The following PARD3 variants were observed in gnomAD, a reference collection of about 807,000 sequenced individuals.
PARD3 encodes partitioning defective 3 homolog.
A neutral mutation model predicts 155.4 loss-of-function variants in PARD3; 75 were observed. The observed-to-expected ratio is 0.48, with a 90% CI of 0.40 to 0.58. PARD3 has a LOEUF of 0.58. Among genes scored for constraint, PARD3 ranks in the 20% least tolerant of loss-of-function variants. The probability of loss-of-function intolerance (pLI) is 0.00; values close to 1 mark genes in which losing one functional copy is unlikely to be tolerated. For synonymous variants in PARD3, 576 were observed against 610.5 expected, an observed-to-expected ratio of 0.94 and a Z score of 0.83; for missense variants, 1,642 against 1,721.7, an observed-to-expected ratio of 0.95 and a Z score of 0.82.
chr10:34,793,691 CAGG>C (rs897198893), intron 1 of PARD3, among the ~76,000 whole-genome samples: 2 of 151,618 alleles, frequency 1.3e-5, no homozygotes, highest in African/African-American at 4.8e-5. Context: ...GAGTCTGAGG[CAGG>C]AGAATTGCTT....
intron 22 of PARD3, among the ~76,000 whole-genome samples, chr10:34,137,149 C>T (rs1449337652): frequency 1.3e-5 from 2 of 152,130 alleles, no homozygotes; most frequent in Admixed American, 1.3e-4. Context: ...GCAGGATGTG[C>T]AGGTTTGTTA....
chr10:34,205,634 G>C (rs1303860931), intron 22 of PARD3, among the ~76,000 whole-genome samples: 1 of 152,122 alleles, frequency 6.6e-6, no homozygotes, highest in Non-Finnish European at 1.5e-5. Context: ...CAGGGAGAGG[G>C]TGAAGCGATG....
chr10:34,287,476 A>C (rs1444513011), intron 20 of PARD3, among the ~76,000 whole-genome samples: 1 of 152,212 alleles, frequency 6.6e-6, no homozygotes, highest in Non-Finnish European at 1.5e-5. Flanking sequence ...CTCTATCTGT[A>C]CCAAAAGGTA....
chr10:34,138,774 C>A (rs910552408), intron 22 of PARD3, among the ~76,000 whole-genome samples: 1 of 152,076 alleles, frequency 6.6e-6, no homozygotes, highest in African/African-American at 2.4e-5. Flanking sequence ...CTTCTCAGCC[C>A]TAGCAATTTA....
intron 22 of PARD3, among the ~76,000 whole-genome samples, chr10:34,167,940 CAA>C (rs1360566159): frequency 6.6e-6 from 1 of 151,468 alleles, no homozygotes; most frequent in South Asian, 2.1e-4. Flanking sequence ...CTACCATGAA[CAA>C]AAAAAAGGGT....
At chr10:34,152,957 T>G (rs1434650485) in intron 22 of PARD3, among the ~76,000 whole-genome samples, 1 of 152,214 alleles carries the variant, frequency 6.6e-6, no homozygotes, top group African/African-American at 2.4e-5. Context: ...CCCAGAGAGA[T>G]CCAGTGACAT....
Position 34,382,667 on chromosome 10 carries a change from G to C in PARD3, c.1272C>G (p.Ser424Arg). 1.2e-6 allele frequency: 2 copies of C among 1,614,140 alleles called. No individual in the cohort carries two copies. The highest frequency in any genetic ancestry group is 1.7e-6 in the Non-Finnish European group (2 of 1,180,026). The change falls in exon 9 of 25, where the codon AGC (serine) becomes AGG (arginine). Residue 424 changes from serine (S) to arginine (R), a missense_variant. Transcript: ENST00000374788. The stretch of plus-strand genomic sequence containing the variant: ...ATGGTGGTTTTCCCGAGGGGTGTGC[G>C]CTATGAGGTAGTCTTGAGTGAGAGT... Reference protein sequence around the residue: ...QIDSHSRLPHSAHPSGKPPSA... With the variant: ...QIDSHSRLPHRAHPSGKPPSA...
intron 22 of PARD3, among the ~76,000 whole-genome samples, chr10:34,189,651 AC>A (rs1231461044): frequency 6.6e-6 from 1 of 152,202 alleles, no homozygotes; most frequent in African/African-American, 2.4e-5. Flanking sequence ...TGTTTCCATG[AC>A]CTACTGAAGT....
chr10:34,412,069 C>T (rs1845138090), intron 5 of PARD3, among the ~76,000 whole-genome samples: 3 of 151,866 alleles, frequency 2.0e-5, no homozygotes, highest in South Asian at 4.2e-4. Context: ...CTCAAGCAAT[C>T]CTCCTGCCTC....
intron 3 of PARD3, among the ~76,000 whole-genome samples, chr10:34,483,055 T>C (rs996798241): frequency 1.5e-4 from 23 of 150,900 alleles, no homozygotes; most frequent in Admixed American, 4.6e-4. Context: ...ACTCAGGAGG[T>C]TGAGGCAGGA....
At chr10:34,812,125 T>C (rs190837376) in intron 1 of PARD3, among the ~76,000 whole-genome samples, 2 of 152,358 alleles carry the variant, frequency 1.3e-5, no homozygotes, top group African/African-American at 4.8e-5. Flanking sequence ...GAAAAATTGA[T>C]TTGTGTAATC....
intron 20 of PARD3, among the ~76,000 whole-genome samples, chr10:34,308,621 T>G (rs972499532): frequency 2.6e-5 from 4 of 151,678 alleles, no homozygotes; most frequent in East Asian, 1.9e-4. Context: ...CAGCAGTGAG[T>G]TGGGAGCGTG....
intron 20 of PARD3, among the ~76,000 whole-genome samples, chr10:34,310,209 A>C (rs188175886): frequency 2.6e-5 from 4 of 152,364 alleles, no homozygotes; most frequent in African/African-American, 9.6e-5. Flanking sequence ...AACAAGTAAA[A>C]GCATTCACAA....
chr10:34,510,101 C>T (rs977800409), intron 3 of PARD3, among the ~76,000 whole-genome samples: 8 of 152,176 alleles, frequency 5.3e-5, no homozygotes, highest in African/African-American at 1.7e-4. Context: ...TTGAGTAATA[C>T]TGATGTAACA....
At chr10:34,553,331 C>A (rs2084738470) in intron 2 of PARD3, among the ~76,000 whole-genome samples, 1 of 152,118 alleles carries the variant, frequency 6.6e-6, no homozygotes, top group African/African-American at 2.4e-5. Context: ...ACCCAAGAAG[C>A]CACACAAAAA....
At chr10:34,562,186 C>T (rs929790383) in intron 2 of PARD3, among the ~76,000 whole-genome samples, 5 of 146,144 alleles carry the variant, frequency 3.4e-5, no homozygotes, top group Admixed American at 6.8e-5. Context: ...CCTATAATCC[C>T]GGCACTTTGG....
At chr10:34,762,464 CCTGA>C (rs1837578319) in intron 1 of PARD3, among the ~76,000 whole-genome samples, 1 of 134,924 alleles carries the variant, frequency 7.4e-6, no homozygotes. Context: ...TGCCACCATG[CCTGA>C]CTTTTTTTTT....
At chr10:34,582,388 T>C (rs950580502) in intron 2 of PARD3, among the ~76,000 whole-genome samples, 2 of 152,202 alleles carry the variant, frequency 1.3e-5, no homozygotes, top group Admixed American at 1.3e-4. Context: ...TTAGAGATAA[T>C]GTGAAAATTA....
Position 34,269,659 on chromosome 10 carries a change from G to C in PARD3, c.3417C>G (p.Asp1139Glu). ...KPRNSKPSPV[D>E]SNRSTPSNHD... ...CCACGATTGCCCCTGGCGCCTACCT[G>C]TCTACAGGTGAGGGTTTGGAATTCC... Residue 1139 changes from aspartate (D) to glutamate (E), a missense_variant and splice_region_variant, in exon 22 of 25, where the codon GAC becomes GAG. Transcript: ENST00000374788. The C allele has an allele frequency of 6.2e-7, 1 of 1,613,904 alleles. No individual in the cohort carries two copies. Among genetic ancestry groups the C allele is most frequent in the Non-Finnish European group, 8.5e-7 (1 of 1,179,868 alleles).
Sources: gnomAD v4.1 joint callset for allele counts (sites outside exome capture counted in the v4.1 genomes callset) on GRCh38, gnomAD v4.1.1 for gene constraint, MANE v1.5 for transcripts, NCBI Gene and HGNC (gene_info 2026-07-23, HGNC 2026-07-21) for gene names.